ANO10: variants seen among roughly 807,000 people sequenced by gnomAD.
ANO10 encodes the protein anoctamin-10.
Under a neutral mutation model 74.7 loss-of-function variants are expected in ANO10, and 77 were observed. That is an observed-to-expected ratio of 1.03 (90% confidence interval 0.86 to 1.25). The LOEUF (loss-of-function observed/expected upper bound fraction) is 1.25, where lower values mean the gene tolerates loss of function less well. ANO10 is among the 50% of genes most tolerant of loss of function. The probability of loss-of-function intolerance (pLI) is 0.00; values close to 1 mark genes in which losing one functional copy is unlikely to be tolerated. For synonymous variants in ANO10, 279 were observed against 284.9 expected (o/e 0.98, Z 0.21); for missense variants, 721 against 778.1 (o/e 0.93, Z 0.87).
intron 11 of ANO10, among the ~76,000 whole-genome samples, chr3:43,461,971 C>T (rs1411188846): frequency 6.6e-6 from 1 of 152,080 alleles, no homozygotes; most frequent in Non-Finnish European, 1.5e-5. Context: ...ATGGCTTTGA[C>T]AAAAATGCTG....
intron 1 of ANO10, chr3:43,689,497 T>C (rs1245664530): frequency 6.6e-6 from 1 of 152,242 alleles, no homozygotes. Context: ...GTTTTTTATA[T>C]GTTCTGGTCT....
intron 7 of ANO10, among the ~76,000 whole-genome samples, chr3:43,572,988 C>T (rs1175091962): frequency 6.0e-5 from 9 of 150,834 alleles, no homozygotes; most frequent in Admixed American, 5.9e-4. Context: ...AAGACTTTAA[C>T]CAACGGCTTT....
intron 12 of ANO10, among the ~76,000 whole-genome samples, chr3:43,391,903 T>C (rs967404068): frequency 7.2e-5 from 11 of 152,174 alleles, no homozygotes; most frequent in African/African-American, 2.7e-4. Flanking sequence ...AGCAAATGTT[T>C]GTCATAAGCT....
intron 11 of ANO10, among the ~76,000 whole-genome samples, chr3:43,517,657 C>T (rs1460997361): frequency 7.9e-5 from 12 of 152,140 alleles, no homozygotes; most frequent in Non-Finnish European, 1.5e-5. Flanking sequence ...AGAATGGAAC[C>T]TACCCTGTTG....
At chr3:43,666,298 A>G (rs1322777463) in intron 1 of ANO10, among the ~76,000 whole-genome samples, 4 of 152,206 alleles carry the variant, frequency 2.6e-5, no homozygotes, top group Non-Finnish European at 5.9e-5. Context: ...CTGGAAAAGA[A>G]GAGATTAAGA....
At chr3:43,624,213 G>A (rs2083472956), upstream of ANO10, among the ~76,000 whole-genome samples, 1 of 152,150 alleles carries the variant, frequency 6.6e-6, no homozygotes, top group South Asian at 2.1e-4. Context: ...CCCACTGGAT[G>A]CCTGAAACCA....
intron 1 of ANO10, among the ~76,000 whole-genome samples, chr3:43,609,567 G>A (rs573021904): frequency 6.6e-6 from 1 of 152,266 alleles, no homozygotes; most frequent in Non-Finnish European, 1.5e-5. Flanking sequence ...TAATGACAAA[G>A]ACAGTTCTGA....
chr3:43,505,784 T>C (rs1393904993), intron 11 of ANO10, among the ~76,000 whole-genome samples: 3 of 152,184 alleles, frequency 2.0e-5, no homozygotes, highest in Non-Finnish European at 4.4e-5. Flanking sequence ...AACTAAATAA[T>C]ATGGTCCCTA....
intron 12 of ANO10, among the ~76,000 whole-genome samples, chr3:43,406,283 C>G (rs1435128611): frequency 2.0e-5 from 3 of 152,226 alleles, no homozygotes; most frequent in Non-Finnish European, 4.4e-5. Flanking sequence ...CATGCTGAGT[C>G]AGAGCCTTCA....
intron 11 of ANO10, among the ~76,000 whole-genome samples, chr3:43,459,653 G>A (rs964744305): frequency 5.9e-5 from 9 of 152,194 alleles, no homozygotes; most frequent in African/African-American, 2.2e-4. Flanking sequence ...GAGCTAGTGA[G>A]TGCTTCCTGC....
intron 1 of ANO10, among the ~76,000 whole-genome samples, chr3:43,641,565 G>A (rs1024838773): frequency 3.3e-5 from 5 of 152,056 alleles, no homozygotes; most frequent in Non-Finnish European, 7.4e-5. Context: ...TTGCAGCCAC[G>A]GAAACTGAAA....
chr3:43,447,588 G>C (rs2148985272), intron 11 of ANO10, among the ~76,000 whole-genome samples: 1 of 152,296 alleles, frequency 6.6e-6, no homozygotes, highest in South Asian at 2.1e-4. Flanking sequence ...GAAGAAGAAA[G>C]ACACTGATTC....
At chr3:43,418,709 T>C (rs2092778023) in intron 12 of ANO10, among the ~76,000 whole-genome samples, 1 of 152,208 alleles carries the variant, frequency 6.6e-6, no homozygotes, top group African/African-American at 2.4e-5. Context: ...ACACTTCCTG[T>C]GCGTCAGGAA....
At chr3:43,595,005 A>C (rs1575507988) in intron 4 of ANO10, among the ~76,000 whole-genome samples, 1 of 152,232 alleles carries the variant, frequency 6.6e-6, no homozygotes, top group Non-Finnish European at 1.5e-5. Context: ...ATAAACTAGA[A>C]AATCTAGAAG....
chr3:43,661,237 T>TG (rs1347498475), intron 1 of ANO10, among the ~76,000 whole-genome samples: 2 of 151,978 alleles, frequency 1.3e-5, no homozygotes, highest in African/African-American at 4.8e-5. Flanking sequence ...CAGAAGAGAG[T>TG]GGGGGCCAAT....
intron 11 of ANO10, among the ~76,000 whole-genome samples, chr3:43,461,659 G>A (rs2075384530): frequency 6.6e-6 from 1 of 152,238 alleles, no homozygotes; most frequent in African/African-American, 2.4e-5. Flanking sequence ...TGTAAGACGT[G>A]ACTTGCTCTT....
At chr3:43,465,125 T>C (rs1206852111) in intron 11 of ANO10, among the ~76,000 whole-genome samples, 2 of 152,172 alleles carry the variant, frequency 1.3e-5, no homozygotes, top group Non-Finnish European at 2.9e-5. Flanking sequence ...CCCATATAAA[T>C]AAAACTATTA....
rs563818739 is a variant in ANO10 at position 43,661,073 on chromosome 3, G to A, written c.-12+30444C>T. On this transcript the variant is annotated intron_variant, in intron 1 of 3. Coordinates refer to the ANO10 transcript ENST00000413397. ...AGAGACCACTACAAAGATGCTCCTCGAGAAGAGCAACCCCAAGAAACATAA... is the reference window on the plus strand; with the variant it reads ...AGAGACCACTACAAAGATGCTCCTCAAGAAGAGCAACCCCAAGAAACATAA... 6.5e-4 allele frequency among the ~76,000 whole-genome samples: 99 copies of A among 152,240 alleles called. 1 individual carries two copies. Among genetic ancestry groups the A allele is most frequent in the African/African-American group, 2.0e-3 (85 of 41,544 alleles).
At chr3:43,572,491 G>A (rs1366589791) in intron 7 of ANO10, among the ~76,000 whole-genome samples, 1 of 152,160 alleles carries the variant, frequency 6.6e-6, no homozygotes, top group Non-Finnish European at 1.5e-5. Context: ...TCTCTCTATC[G>A]CAGAGAGACA....
Sources: gnomAD v4.1 joint callset for allele counts (sites outside exome capture counted in the v4.1 genomes callset) on GRCh38, gnomAD v4.1.1 for gene constraint, MANE v1.5 for transcripts, NCBI Gene and HGNC (gene_info 2026-07-23, HGNC 2026-07-21) for gene names.